NDUFAF6: variants seen among roughly 807,000 people sequenced by gnomAD.
The protein encoded by NDUFAF6 is NADH:ubiquinone oxidoreductase complex assembly factor 6, also known as NADH dehydrogenase (ubiquinone) complex I, assembly factor 6.
NDUFAF6 carries 45 observed loss-of-function variants against 40.8 expected under a neutral mutation model. The observed-to-expected ratio is 1.10, with a 90% CI of 0.87 to 1.42. The LOEUF is 1.42. NDUFAF6 is among the 40% of genes most tolerant of loss of function. The pLI is 0.00. For synonymous variants in NDUFAF6, 185 were observed against 155.9 expected (o/e 1.19, Z -1.39); for missense variants, 435 against 418.5 (o/e 1.04, Z -0.34).
intron 1 of NDUFAF6, among the ~76,000 whole-genome samples, chr8:94,899,716 T>C (rs557932088): frequency 6.6e-6 from 1 of 152,334 alleles, no homozygotes; most frequent in African/African-American, 2.4e-5. Context: ...CTGCCTTAGT[T>C]CAGGACACCA....
chr8:95,037,651 A>C (rs1297002295), intron 3 of NDUFAF6, among the ~76,000 whole-genome samples: 1 of 152,180 alleles, frequency 6.6e-6, no homozygotes, highest in East Asian at 1.9e-4. Context: ...TGTTCTCCAT[A>C]CATACACCTT....
At chr8:95,059,687 T>C (rs1563846161), downstream of NDUFAF6, among the ~76,000 whole-genome samples, 1 of 151,684 alleles carries the variant, frequency 6.6e-6, no homozygotes, top group Non-Finnish European at 1.5e-5. Flanking sequence ...CATCTCTACT[T>C]AAAATACAAA....
At chr8:95,115,059 A>T (rs952053445) in intron 4 of NDUFAF6, among the ~76,000 whole-genome samples, 8 of 4,578 alleles carry the variant, frequency 1.7e-3, no homozygotes, top group Admixed American at 6.1e-3. Context: ...GAGACTGTTT[A>T]AAAAAAAAAA....
intron 1 of NDUFAF6, among the ~76,000 whole-genome samples, chr8:94,971,790 T>G (rs1199349259): frequency 1.3e-5 from 2 of 152,052 alleles, no homozygotes; most frequent in Admixed American, 1.3e-4. Flanking sequence ...ATGGAAAAAT[T>G]GGCAGGGTGT....
chr8:95,004,781 A>T (rs1563783802), intron 2 of NDUFAF6, among the ~76,000 whole-genome samples: 1 of 152,200 alleles, frequency 6.6e-6, no homozygotes, highest in Non-Finnish European at 1.5e-5. Flanking sequence ...GTGAGGATAG[A>T]TGTATAATAA....
At chr8:94,994,677 TAAC>T (rs1826342132) in intron 2 of NDUFAF6, among the ~76,000 whole-genome samples, 1 of 151,738 alleles carries the variant, frequency 6.6e-6, no homozygotes, top group African/African-American at 2.4e-5. Context: ...CTACAAAAAT[TAAC>T]AAATTAGCCA....
chr8:95,024,799 C>T (rs891001686), upstream of NDUFAF6, among the ~76,000 whole-genome samples: 2 of 152,202 alleles, frequency 1.3e-5, no homozygotes, highest in African/African-American at 4.8e-5. Context: ...GTCGGACGGA[C>T]TTGGGCGGGT....
Position 95,058,326 on chromosome 8 carries a change from A to G in NDUFAF6, c.*389A>G, listed in dbSNP as rs566944903. On this transcript the variant is annotated 3_prime_UTR_variant, in exon 9 of 9. Coordinates refer to ENST00000396124, the MANE Select transcript of NDUFAF6 (RefSeq NM_152416.4). ...GGCTCAAGTTATCATAGGGGCTTACATGCTGAGCAGCTATAACCTAGGTGT... is the reference window on the plus strand; with the variant it reads ...GGCTCAAGTTATCATAGGGGCTTACGTGCTGAGCAGCTATAACCTAGGTGT... The G allele has an allele frequency of 2.2e-5, 28 of 1,262,274 alleles. No individual in the cohort carries two copies. The highest frequency in any genetic ancestry group is 6.1e-4 in the Middle Eastern group (2 of 3,304). The allele number at this position is 1,262,274 out of a possible 1,614,324, so 78.2% of individuals were successfully genotyped here. A position where few individuals can be genotyped will look rare whatever the true frequency, so the allele number is the denominator to read the frequency against.
intron 1 of NDUFAF6, among the ~76,000 whole-genome samples, chr8:94,922,479 A>ATT (rs34170290): frequency 1.6e-3 from 219 of 135,588 alleles, no homozygotes; most frequent in African/African-American, 5.4e-3. Flanking sequence ...AGAATCTGCA[A>ATT]TTTTTTTTTT....
chr8:95,081,945 A>C (rs1808883221), intron 2 of NDUFAF6, among the ~76,000 whole-genome samples: 1 of 152,208 alleles, frequency 6.6e-6, no homozygotes. Context: ...GGGCACCTGT[A>C]ATCCCAGCTA....
At position 95,058,645 on chromosome 8, in the gene NDUFAF6, G is replaced by C. The variant is rs10095895; in HGVS notation, c.*708G>C. 6.7e-3 allele frequency: 7,352 copies of C among 1,097,184 alleles called. 397 individuals are homozygous for C. The African/African-American group carries it at 0.11, about 16-fold the overall frequency. 68.0% of individuals were successfully genotyped at this position (1,097,184 alleles called of 1,614,324 possible). ...ATGATCGTGAACAAAATTGTACTGA[G>C]AAAGTTTGTATAAGTGATATGAACG... On this transcript the variant is annotated 3_prime_UTR_variant, in exon 9 of 9. Transcript: ENST00000396124.
chr8:95,056,413 G>A (rs1304044872), intron 8 of NDUFAF6, among the ~76,000 whole-genome samples: 9 of 151,778 alleles, frequency 5.9e-5, no homozygotes, highest in Admixed American at 2.0e-4. Flanking sequence ...GGGTTTTGCC[G>A]TGATGCCCAG....
chr8:95,107,887 C>A (rs1809887189), downstream of NDUFAF6, among the ~76,000 whole-genome samples: 1 of 152,148 alleles, frequency 6.6e-6, no homozygotes, highest in Admixed American at 6.5e-5. Flanking sequence ...TTCGATAGTA[C>A]CAGAAGTAGA....
At chr8:94,974,024 G>A (rs914255243) in intron 1 of NDUFAF6, among the ~76,000 whole-genome samples, 8 of 152,052 alleles carry the variant, frequency 5.3e-5, no homozygotes, top group African/African-American at 1.9e-4. Context: ...ATGAAAGTGA[G>A]GAAAACAAAT....
At chr8:94,898,672 G>A (rs190335128) in intron 1 of NDUFAF6, among the ~76,000 whole-genome samples, 1 of 152,272 alleles carries the variant, frequency 6.6e-6, no homozygotes, top group East Asian at 1.9e-4. Context: ...AAGTCACTGT[G>A]TGCAGCCCAC....
chr8:95,085,852 G>A (rs1422650989), intron 2 of NDUFAF6, among the ~76,000 whole-genome samples: 2 of 152,128 alleles, frequency 1.3e-5, no homozygotes, highest in Non-Finnish European at 2.9e-5. Context: ...CAGGTTCTGC[G>A]GATTAGGGAT....
upstream of NDUFAF6, among the ~76,000 whole-genome samples, chr8:95,020,677 G>A (rs28477467): frequency 0.14 from 21,041 of 152,184 alleles, 1,487 homozygotes; most frequent in Middle Eastern, 0.25. Flanking sequence ...CCTTCAGAAC[G>A]ATACACTAAC....
upstream of NDUFAF6, among the ~76,000 whole-genome samples, chr8:94,956,242 G>C (rs1823061441): frequency 6.6e-6 from 1 of 152,206 alleles, no homozygotes; most frequent in South Asian, 2.1e-4. Context: ...GGTCATAAGA[G>C]TAACCTGAGT....
downstream of NDUFAF6, among the ~76,000 whole-genome samples, chr8:95,076,785 A>C (rs1253348797): frequency 6.6e-6 from 1 of 150,616 alleles, no homozygotes. Context: ...AGGCAGGAGA[A>C]TTGCTTGAAC....
Sources: gnomAD v4.1 joint callset for allele counts (sites outside exome capture counted in the v4.1 genomes callset) on GRCh38, gnomAD v4.1.1 for gene constraint, MANE v1.5 for transcripts, NCBI Gene and HGNC (gene_info 2026-07-23, HGNC 2026-07-21) for gene names.